CTCF: variants seen among roughly 807,000 people sequenced by gnomAD.
CTCF encodes the protein CCCTC-binding factor, also known as transcriptional repressor CTCF.
CTCF carries 7 observed loss-of-function variants against 72.3 expected under a neutral mutation model. The ratio of observed to expected loss-of-function variants is 0.10; its 90% CI spans 0.06 to 0.18. The LOEUF is 0.18. Ranked by LOEUF, CTCF falls within the 10% of genes least tolerant of loss-of-function variation. CTCF has a pLI of 1.00. For synonymous variants in CTCF, 374 were observed against 315.8 expected, an observed-to-expected ratio of 1.18 and a Z score of -1.95; for missense variants, 516 against 949.1, an observed-to-expected ratio of 0.54 and a Z score of 6.00.
intron 5 of CTCF, among the ~76,000 whole-genome samples, chr16:67,620,142 G>A (rs1296440392): frequency 6.6e-6 from 1 of 152,204 alleles, no homozygotes; most frequent in East Asian, 1.9e-4. Flanking sequence ...CAAACATGTA[G>A]AAGTAAAGAT....
Position 67,612,135 on chromosome 16 carries a change from A to G in CTCF, c.952+14A>G. 6.2e-7 allele frequency: 1 copy of G among 1,602,154 alleles called. No homozygotes were observed. Among genetic ancestry groups the G allele is most frequent in the Non-Finnish European group, 8.5e-7 (1 of 1,173,334 alleles). On this transcript the variant is annotated intron_variant, in intron 4 of 11. Coordinates refer to ENST00000264010, the MANE Select transcript of CTCF (RefSeq NM_006565.4). ...ACACACACACAGGTGCTGGATAAGA[A>G]TGTTGGGGGCTACAACAGCAAATGC...
At chr16:67,603,131 C>T (rs906365810) in intron 2 of CTCF, among the ~76,000 whole-genome samples, 2 of 152,004 alleles carry the variant, frequency 1.3e-5, no homozygotes, top group Non-Finnish European at 2.9e-5. Flanking sequence ...ACGGCACATA[C>T]CTGTAATCAC....
At chr16:67,577,068 TTTA>T (rs2051507484) in intron 2 of CTCF, among the ~76,000 whole-genome samples, 1 of 152,060 alleles carries the variant, frequency 6.6e-6, no homozygotes, top group Admixed American at 6.6e-5. Flanking sequence ...TTGCATAATT[TTTA>T]AAGGAAAAGG....
At chr16:67,621,192 C>T (rs1004427042) in intron 6 of CTCF, 11 of 405,550 alleles carry the variant, frequency 2.7e-5, no homozygotes, top group African/African-American at 1.8e-4. Flanking sequence ...CAGTCTCCCC[C>T]AAAGGTAAGC....
At chr16:67,616,686 A>G in intron 4 of CTCF, 59 bp from the exon 5 acceptor site, 11 of 1,593,850 alleles carry the variant, frequency 6.9e-6, no homozygotes, top group Non-Finnish European at 8.6e-6. Flanking sequence ...CACACATTGA[A>G]CTCTGTCATT....
At chr16:67,602,659 T>C (rs1039863686) in intron 2 of CTCF, among the ~76,000 whole-genome samples, 2 of 151,776 alleles carry the variant, frequency 1.3e-5, no homozygotes, top group African/African-American at 4.8e-5. Context: ...CTGACCAACA[T>C]GGAGAAACCC....
At chr16:67,624,328 G>GT (rs1045702612) in intron 7 of CTCF, among the ~76,000 whole-genome samples, 2 of 151,414 alleles carry the variant, frequency 1.3e-5, no homozygotes, top group Non-Finnish European at 1.5e-5. Context: ...CATCACTCTG[G>GT]TATAATGACT....
At chr16:67,580,025 A>C (rs144338797) in intron 2 of CTCF, among the ~76,000 whole-genome samples, 1 of 152,176 alleles carries the variant, frequency 6.6e-6, no homozygotes, top group Non-Finnish European at 1.5e-5. Flanking sequence ...CTTCTTGCTG[A>C]TAATGGATTT....
intron 2 of CTCF, among the ~76,000 whole-genome samples, chr16:67,574,780 T>G (rs2051473010): frequency 6.8e-6 from 1 of 146,590 alleles, no homozygotes; most frequent in African/African-American, 2.5e-5. Flanking sequence ...TGCCTCGGCC[T>G]CCCAAGTAGC....
At position 67,611,582 on chromosome 16, in the gene CTCF, G is replaced by A. The variant is rs1000368955; in HGVS notation, c.750G>A (p.Lys250=). ...CAGAGAAAGTGGTTGGTAATATGAAGCCTCCAAAGCCAACAAAAATTAAAA... is the reference window on the plus strand; with the variant it reads ...CAGAGAAAGTGGTTGGTAATATGAAACCTCCAAAGCCAACAAAAATTAAAA... ...VNAEKVVGNM[K]PPKPTKIKKK... is the part of the protein sequence containing the mutation. Residue 250 remains lysine, a synonymous_variant, in exon 3 of 12, where the codon AAG becomes AAA. Transcript: ENST00000264010. 1 of 1,608,378 alleles carries A rather than the reference G, an allele frequency of 6.2e-7. No homozygotes were observed. Among genetic ancestry groups the A allele is most frequent in the Non-Finnish European group, 8.5e-7 (1 of 1,178,530 alleles).
chr16:67,621,418 G>A (rs369274023), intron 6 of CTCF, 24 bp from the exon 7 acceptor site: 3 of 1,538,798 alleles, frequency 1.9e-6, no homozygotes, highest in South Asian at 2.3e-5. Context: ...TCATTTATGT[G>A]TTCATTCTGT....
Position 67,628,396 on chromosome 16 carries a change from C to T in CTCF, c.1545C>T (p.Arg515=). The T allele has an allele frequency of 2.5e-6, 4 of 1,614,212 alleles. No individual in the cohort carries two copies. Among genetic ancestry groups the T allele is most frequent in the Non-Finnish European group, 3.4e-6 (4 of 1,180,046 alleles). ...RQERHMIMHK[R]THTGEKPYAC... Reference sequence around the variant, plus strand: ...AGAGGCACATGATCATGCACAAGCGCACCCACACCGGGGAGAAGCCTTACG... The same window carrying T: ...AGAGGCACATGATCATGCACAAGCGTACCCACACCGGGGAGAAGCCTTACG... The change falls in exon 9 of 12, where the codon CGC becomes CGT. Residue 515 remains arginine, a synonymous_variant. Transcript: ENST00000264010.
chr16:67,608,798 G>T (rs2052014251), intron 2 of CTCF, among the ~76,000 whole-genome samples: 1 of 151,660 alleles, frequency 6.6e-6, no homozygotes, highest in South Asian at 2.1e-4. Flanking sequence ...CAGTACAATG[G>T]CGCAATCTTG....
chr16:67,628,254 TG>T, intron 8 of CTCF, 115 bp from the exon 9 acceptor site: 1 of 831,696 alleles, frequency 1.2e-6, no homozygotes. Context: ...ACAAGCCGTG[TG>T]GAGTCTAGAC....
chr16:67,619,737 T>C lies in CTCF; in HGVS notation c.1087-960T>C, dbSNP rs1187063515. Among the ~76,000 whole-genome samples the C allele has an allele frequency of 3.9e-5, 6 of 152,156 alleles. No individual in the cohort carries two copies. In the East Asian group the frequency reaches 9.7e-4, roughly 25 times the overall value. ...TAGCTGAGACTACAGGCATGTGCCA[T>C]CACACCCAACTAATTTTTGTATTTT... is the stretch of plus-strand genomic sequence containing the variant. On this transcript the variant is annotated intron_variant, in intron 5 of 11. Transcript: ENST00000264010.
Position 67,610,908 on chromosome 16 carries a change from C to A in CTCF, c.76C>A (p.Gln26Lys). 6.5e-7 allele frequency: 1 copy of A among 1,531,074 alleles called. No homozygotes were observed. The highest frequency in any genetic ancestry group is 8.8e-7 in the Non-Finnish European group (1 of 1,139,096). The allele number at this position is 1,531,074 out of a possible 1,614,324, so 94.8% of individuals were successfully genotyped here. ...TAAAGGAAAGGAGAGAAAGACTTAC[C>A]AGAGACGCCGGGAAGGGGGCCAGGA... ...FIKGKERKTY[Q>K]RRREGGQEED... Residue 26 changes from glutamine to lysine, a missense_variant, in exon 3 of 12, where the codon CAG becomes AAG. Around this residue, in one of 7 missense-constraint regions of CTCF, gnomAD observed 148 missense variants for 194.9 expected, o/e 0.76. Transcript: ENST00000264010.
intron 1 of CTCF, among the ~76,000 whole-genome samples, chr16:67,570,363 A>G (rs1237182802): frequency 6.6e-6 from 1 of 151,920 alleles, no homozygotes; most frequent in Non-Finnish European, 1.5e-5. Context: ...TACAGGCGTA[A>G]GCCACTGCGC....
At chr16:67,582,885 G>A (rs111396829) in intron 2 of CTCF, among the ~76,000 whole-genome samples, 57 of 151,928 alleles carry the variant, frequency 3.8e-4, no homozygotes, top group African/African-American at 1.2e-3. Context: ...TTAGTTAACA[G>A]CTATGTAGAT....
chr16:67,633,791 C>T (rs906568222), intron 10 of CTCF, among the ~76,000 whole-genome samples: 4 of 151,542 alleles, frequency 2.6e-5, no homozygotes, highest in Non-Finnish European at 4.4e-5. Flanking sequence ...GACACACACA[C>T]ACACACACAC....
Sources: gnomAD v4.1 joint callset for allele counts (sites outside exome capture counted in the v4.1 genomes callset) on GRCh38, gnomAD v4.1.1 for gene constraint, gnomAD v4.1.1 regional missense constraint, MANE v1.5 for transcripts, NCBI Gene and HGNC (gene_info 2026-07-23, HGNC 2026-07-21) for gene names.